The following CNPPD1 variants were observed in gnomAD, a reference collection of about 807,000 sequenced individuals.
CNPPD1 encodes the protein cyclin Pas1/PHO80 domain containing 1, also known as protein CNPPD1.
Under a neutral mutation model 43.7 loss-of-function variants are expected in CNPPD1, and 40 were observed. That is an observed-to-expected ratio of 0.92 (90% confidence interval 0.71 to 1.19). The LOEUF (loss-of-function observed/expected upper bound fraction) is 1.19, where lower values mean the gene tolerates loss of function less well. Among genes scored for constraint, CNPPD1 ranks in the 50% most tolerant of loss-of-function variants. The pLI, the probability that CNPPD1 is intolerant of heterozygous loss-of-function variation, is 0.00. For missense variants in CNPPD1, 511 were observed against 518.5 expected (o/e 0.99, Z 0.14); for synonymous variants, 208 against 214.3 (o/e 0.97, Z 0.26).
upstream of CNPPD1, chr2:219,177,019 C>A: frequency 1.9e-6 from 1 of 515,300 alleles, no homozygotes; most frequent in Non-Finnish European, 3.4e-6. Context: ...CTGGGCGCCT[C>A]TTCCTGTTCC....
At position 219,174,079 on chromosome 2, in the gene CNPPD1, A is replaced by G; in HGVS notation, c.572+67T>C. 1.1e-5 allele frequency: 16 copies of G among 1,446,292 alleles called. No homozygotes were observed. The South Asian group carries it at 1.8e-4, about 16-fold the overall frequency. The allele number at this position is 1,446,292 out of a possible 1,614,324, so 89.6% of individuals were successfully genotyped here. The stretch of plus-strand genomic sequence containing the variant: ...CCCAGTTACACAGACTCTCATCTCT[A>G]GCTCCTATGGCTGAGGACTCAGCCC... On this transcript the variant is annotated intron_variant, in intron 6 of 7. Transcript: ENST00000360507.
rs1427092158 is a variant in CNPPD1, at chr2:219,173,428, G to C, written c.612C>G (p.Thr204=). Residue 204 remains threonine, a synonymous_variant, in exon 7 of 8, where the codon ACC becomes ACG. Coordinates refer to ENST00000360507, the MANE Select transcript of CNPPD1 (RefSeq NM_015680.6). ...EQQGRWRGWY[T]YTDLCVLLEQ... The stretch of plus-strand genomic sequence containing the variant: ...CCAGCAGCACACACAGGTCTGTGTA[G>C]GTGTACCAGCCTCGCCACCGTCCCT... The C allele has an allele frequency of 6.2e-7, 1 of 1,613,886 alleles. No individual in the cohort carries two copies. Among genetic ancestry groups the C allele is most frequent in the African/African-American group, 1.3e-5 (1 of 75,038 alleles).
At position 219,174,222 on chromosome 2, in the gene CNPPD1, A is replaced by G; in HGVS notation, c.511-15T>C. The G allele has an allele frequency of 6.2e-7, 1 of 1,613,952 alleles. No homozygotes were observed. The highest frequency in any genetic ancestry group is 8.5e-7 in the Non-Finnish European group (1 of 1,179,818). ...AGATGCCAATCCTGTGAGTACGGAG[A>G]GTGGACATCAAACCAGACTTGGATG... On this transcript the variant is annotated splice_polypyrimidine_tract_variant and intron_variant, in intron 5 of 7. Transcript: ENST00000360507.
Position 219,172,506 on chromosome 2 carries a change from G to C in CNPPD1, c.*80C>G. Reference sequence around the variant, plus strand: ...GACCTGCCAAGGACCCAGCGAGGCAGACAGGATCTGAATCAAGCTTTGCTC... The same window carrying C: ...GACCTGCCAAGGACCCAGCGAGGCACACAGGATCTGAATCAAGCTTTGCTC... On this transcript the variant is annotated 3_prime_UTR_variant, in exon 8 of 8. Transcript: ENST00000360507. 1 of 1,487,532 alleles carries C rather than the reference G, an allele frequency of 6.7e-7. No homozygotes were observed. The highest frequency in any genetic ancestry group is 1.1e-5 in the South Asian group (1 of 87,428). The allele number at this position is 1,487,532 out of a possible 1,614,324, so 92.1% of individuals were successfully genotyped here.
rs73074979 is a variant in CNPPD1, at chr2:219,173,372, G to A, written c.668C>T (p.Ser223Phe). The A allele has an allele frequency of 5.7e-4, 915 of 1,613,422 alleles. No individual in the cohort carries two copies. The highest frequency in any genetic ancestry group is 4.3e-3 in the African/African-American group (325 of 75,006). Reference sequence around the variant, plus strand: ...CACCTTTACCAGCCGCTGGCAGAGGGAGCCCAGGGCCAACTGCCAGGTCGG... The same window carrying A: ...CACCTTTACCAGCCGCTGGCAGAGGAAGCCCAGGGCCAACTGCCAGGTCGG... ...EQPTWQLALGSLCQRLVKLSC... is the reference protein window; with the variant it reads ...EQPTWQLALGFLCQRLVKLSC... The change falls in exon 7 of 8, where the codon TCC becomes TTC. Residue 223 changes from serine to phenylalanine, a missense_variant. Coordinates refer to ENST00000360507, the MANE Select transcript of CNPPD1 (RefSeq NM_015680.6).
At position 219,176,252 on chromosome 2, in the gene CNPPD1, C is replaced by G. The variant is rs374847365; in HGVS notation, c.149G>C (p.Ser50Thr). ...CACCGGGCTGGAGAGCTCCTCCAGG[C>G]TACAGTCGGCTTCCCAGTCCCAGCC... ...YYGWDWEADC[S>T]LEELSSPVAD... The change falls in exon 2 of 8, where the codon AGC becomes ACC. Residue 50 changes from serine (S) to threonine (T), a missense_variant. Coordinates refer to ENST00000360507, the MANE Select transcript of CNPPD1 (RefSeq NM_015680.6). The G allele has an allele frequency of 1.2e-6, 2 of 1,614,114 alleles. No homozygotes were observed. Among genetic ancestry groups the G allele is most frequent in the East Asian group, 4.5e-5 (2 of 44,872 alleles).
In CNPPD1 at chr2:219,176,909, T is replaced by G. The variant is rs1200276046; in HGVS notation, c.-81A>C. The G allele has an allele frequency of 3.3e-6, 4 of 1,210,172 alleles. No homozygotes were observed. The highest frequency in any genetic ancestry group is 4.6e-6 in the Non-Finnish European group (4 of 867,620). 75.0% of individuals were successfully genotyped at this position (1,210,172 alleles called of 1,614,324 possible). A position where few individuals can be genotyped will look rare whatever the true frequency, so the allele number is the denominator to read the frequency against. The stretch of plus-strand genomic sequence containing the variant: ...GCTCGCGGAGCTGTCCTTGCCCGCC[T>G]GTCCACCTGCCAGCCTGCCTCCCCG... On this transcript the variant is annotated 5_prime_UTR_variant, in exon 1 of 8. Coordinates refer to ENST00000360507, the MANE Select transcript of CNPPD1 (RefSeq NM_015680.6).
In CNPPD1 at chr2:219,174,212, G is replaced by A; in HGVS notation, c.511-5C>T. ...GTCAGTGTAGAGATGCCAATCCTGT[G>A]AGTACGGAGAGTGGACATCAAACCA... On this transcript the variant is annotated splice_region_variant and splice_polypyrimidine_tract_variant and intron_variant, in intron 5 of 7. Coordinates refer to ENST00000360507, the MANE Select transcript of CNPPD1 (RefSeq NM_015680.6). 6.2e-7 allele frequency: 1 copy of A among 1,614,108 alleles called. No homozygotes were observed. Among genetic ancestry groups the A allele is most frequent in the Non-Finnish European group, 8.5e-7 (1 of 1,179,972 alleles).
In CNPPD1 at chr2:219,176,302, G is replaced by A. The variant is rs1459330640; in HGVS notation, c.99C>T (p.Ala33=). 1 of 1,614,154 alleles carries A rather than the reference G, an allele frequency of 6.2e-7. No homozygotes were observed. The highest frequency in any genetic ancestry group is 1.1e-5 in the South Asian group (1 of 91,086). The change falls in exon 2 of 8, where the codon GCC becomes GCT. Residue 33 remains alanine, a synonymous_variant. Coordinates refer to ENST00000360507, the MANE Select transcript of CNPPD1 (RefSeq NM_015680.6). ...CATAGTAGAGCCTCCTTCGGATCCG[G>A]GCACTCAGCTTCTGGTGTCCTGGGA... ...TFLPGHQKLS[A]RIRRRLYYGW...
intron 4 of CNPPD1, 39 bp downstream of exon 4, chr2:219,174,949 C>T: frequency 1.9e-6 from 3 of 1,614,118 alleles, no homozygotes; most frequent in Non-Finnish European, 2.5e-6. Flanking sequence ...TCATAGCAGG[C>T]TCTTGGCTCT....
chr2:219,174,701 CTG>C, intron 5 of CNPPD1, 75 bp downstream of exon 5: 2 of 1,507,880 alleles, frequency 1.3e-6, no homozygotes, highest in South Asian at 2.7e-5. Context: ...CAACAGAAGA[CTG>C]AGAGAGAACA....
rs1950138967 is a variant in CNPPD1, at chr2:219,175,174, C to A, written c.261-66G>T. 2.0e-6 allele frequency: 3 copies of A among 1,508,728 alleles called. No homozygotes were observed. In the East Asian group the frequency reaches 6.8e-5, roughly 34 times the overall value. 93.5% of individuals were successfully genotyped at this position (1,508,728 alleles called of 1,614,324 possible). A position where few individuals can be genotyped will look rare whatever the true frequency, so the allele number is the denominator to read the frequency against. On this transcript the variant is annotated intron_variant, in intron 3 of 7. Transcript: ENST00000360507. Reference sequence around the variant, plus strand: ...TTCAGCTCTTGCAAGTCTTATGATGCTCGTTCCTGTCTTTACCTCTTATCT... The same window carrying A: ...TTCAGCTCTTGCAAGTCTTATGATGATCGTTCCTGTCTTTACCTCTTATCT...
chr2:219,176,108 C>T, intron 2 of CNPPD1, 115 bp downstream of exon 2: 1 of 739,130 alleles, frequency 1.4e-6, no homozygotes, highest in Non-Finnish European at 2.3e-6. Context: ...CAAGTACCAA[C>T]GAGCTAGCAA....
In CNPPD1 at chr2:219,172,344, T is replaced by A; in HGVS notation, c.*242A>T. 1.7e-6 allele frequency: 1 copy of A among 572,846 alleles called. No individual in the cohort carries two copies. The highest frequency in any genetic ancestry group is 3.0e-5 in the East Asian group (1 of 33,152). The allele number at this position is 572,846 out of a possible 1,614,324, so 35.5% of individuals were successfully genotyped here. The stretch of plus-strand genomic sequence containing the variant: ...GGCTTCTATGTCCATCTGGGACATG[T>A]CCCTGGTCACCAAGCGGAAGCTCTC... On this transcript the variant is annotated 3_prime_UTR_variant, in exon 8 of 8. Transcript: ENST00000360507.
chr2:219,177,344 C>A (rs1950192945), upstream of CNPPD1: 1 of 154,422 alleles, frequency 6.5e-6, no homozygotes, highest in Non-Finnish European at 1.4e-5. Context: ...GTAGGGGGGA[C>A]CACGCCGCAC....
In CNPPD1 at chr2:219,173,058, T is replaced by G. The variant is rs779672358; in HGVS notation, c.761A>C (p.His254Pro). ...GATGCAGGACAGCCCCAAAGACTGA[T>G]GTATTACGGCCACCGATGCCACAGC... is the stretch of plus-strand genomic sequence containing the variant. Reference protein sequence around the residue: ...ALAVASVAVIHQSLGLSCIPT... With the variant: ...ALAVASVAVIPQSLGLSCIPT... Residue 254 changes from histidine (H) to proline (P), a missense_variant, in exon 8 of 8, where the codon CAT becomes CCT. Physicochemically the swap from His to Pro is moderately conservative, Grantham distance 77 (BLOSUM62 -2). Transcript: ENST00000360507. 2 of 1,611,036 alleles carry G rather than the reference T, an allele frequency of 1.2e-6. No individual in the cohort carries two copies. The highest frequency in any genetic ancestry group is 2.7e-5 in the African/African-American group (2 of 74,824).
intron 1 of CNPPD1, 100 bp from the exon 2 acceptor site, chr2:219,176,431 C>A: frequency 1.1e-6 from 1 of 921,204 alleles, no homozygotes; most frequent in Non-Finnish European, 1.7e-6. Flanking sequence ...AGGCCGGCCT[C>A]GCTGCTAGGG....
At position 219,176,265 on chromosome 2, in the gene CNPPD1, C is replaced by A. The variant is rs750355572; in HGVS notation, c.136G>T (p.Glu46Ter). 1.2e-6 allele frequency: 2 copies of A among 1,614,174 alleles called. No homozygotes were observed. The highest frequency in any genetic ancestry group is 2.2e-5 in the South Asian group (2 of 91,092). Reference protein sequence around the residue: ...RRRLYYGWDWEADCSLEELSS... With the variant: ...RRRLYYGWDW The stretch of plus-strand genomic sequence containing the variant: ...AGCTCCTCCAGGCTACAGTCGGCTT[C>A]CCAGTCCCAGCCATAGTAGAGCCTC... Residue 46 changes from glutamate to a stop codon, truncating the protein, a stop_gained, in exon 2 of 8, where the codon GAA becomes TAA. Transcript: ENST00000360507. LOFTEE classifies it high-confidence loss of function.
At chr2:219,175,401 G>A (rs1024105662) in intron 3 of CNPPD1, among the ~76,000 whole-genome samples, 190 bp downstream of exon 3, 1 of 151,768 alleles carries the variant, frequency 6.6e-6, no homozygotes, top group Non-Finnish European at 1.5e-5. Context: ...GGAGGCTGAG[G>A]CACAAGAATC....
Sources: gnomAD v4.1 joint callset for allele counts (sites outside exome capture counted in the v4.1 genomes callset) on GRCh38, gnomAD v4.1.1 for gene constraint, MANE v1.5 for transcripts, NCBI Gene and HGNC (gene_info 2026-07-23, HGNC 2026-07-21) for gene names.